TUSC3: variants seen among roughly 807,000 people sequenced by gnomAD.
TUSC3 encodes the protein dolichyl-diphosphooligosaccharide--protein glycosyltransferase subunit TUSC3.
TUSC3 carries 45 observed loss-of-function variants against 44.8 expected under a neutral mutation model. The observed-to-expected ratio is 1.00, with a 90% confidence interval of 0.79 to 1.29. The LOEUF (loss-of-function observed/expected upper bound fraction) is 1.29. Ranked by LOEUF, TUSC3 falls within the 50% of genes most tolerant of loss-of-function variation. TUSC3 has a pLI of 0.00. For synonymous variants in TUSC3, 212 were observed against 152.9 expected, an observed-to-expected ratio of 1.39 and a Z score of -2.85; for missense variants, 519 against 437.9, an observed-to-expected ratio of 1.19 and a Z score of -1.65.
In TUSC3 at chr8:15,651,702, A is replaced by C. The variant is rs150125120; in HGVS notation, c.426+888A>C. ...TGGACTTTGAGTCTTCAGAACTGTGAAAAATAAATTTCTGTTGGTTAGGTC... is the reference window on the plus strand; with the variant it reads ...TGGACTTTGAGTCTTCAGAACTGTGCAAAATAAATTTCTGTTGGTTAGGTC... On this transcript the variant is annotated intron_variant, in intron 3 of 10. Transcript: ENST00000503731. Among the ~76,000 whole-genome samples, 745 of 152,310 alleles carry C rather than the reference A, an allele frequency of 4.9e-3. 6 individuals are homozygous for C. Among genetic ancestry groups the C allele is most frequent in the African/African-American group, 0.017 (708 of 41,552 alleles).
At chr8:15,432,073 T>G (rs1442177726) in intron 1 of TUSC3, among the ~76,000 whole-genome samples, 1 of 151,870 alleles carries the variant, frequency 6.6e-6, no homozygotes, top group Admixed American at 6.6e-5. Flanking sequence ...GGCTTGTAAT[T>G]TTCTTACATT....
chr8:15,748,233 C>G (rs1001512844), intron 8 of TUSC3, 142 bp from the exon 9 acceptor site: 4 of 701,294 alleles, frequency 5.7e-6, no homozygotes, highest in Non-Finnish European at 1.0e-5. Context: ...TACCTGTATC[C>G]AAATACCTGT....
intron 2 of TUSC3, among the ~76,000 whole-genome samples, chr8:15,490,424 C>A (rs913522118): frequency 6.6e-6 from 1 of 152,150 alleles, no homozygotes; most frequent in Non-Finnish European, 1.5e-5. Context: ...CCCACCACCA[C>A]CACTACCATC....
At chr8:15,598,923 G>C (rs972681327) in intron 1 of TUSC3, among the ~76,000 whole-genome samples, 1 of 151,660 alleles carries the variant, frequency 6.6e-6, no homozygotes, top group Non-Finnish European at 1.5e-5. Flanking sequence ...GTTTTTGTGT[G>C]GACCTAAGTG....
intron 6 of TUSC3, among the ~76,000 whole-genome samples, chr8:15,698,866 G>C (rs995593143): frequency 3.6e-4 from 52 of 144,776 alleles, no homozygotes; most frequent in African/African-American, 1.2e-3. Context: ...TTTTTTTTGA[G>C]ACAGGGTCTT....
the TUSC3 span, among the ~76,000 whole-genome samples, chr8:15,824,026 T>A: frequency 0.61 from 92,121 of 151,898 alleles, 29,243 homozygotes; most frequent in Non-Finnish European, 0.73. Context: ...TCTCAAAAAA[T>A]TTTTTAAATT....
At chr8:15,667,040 T>G (rs1009064857) in intron 5 of TUSC3, among the ~76,000 whole-genome samples, 17 of 151,576 alleles carry the variant, frequency 1.1e-4, no homozygotes, top group Non-Finnish European at 2.5e-4. Context: ...TGGCTGAGTT[T>G]TTGCTTATCT....
chr8:15,572,771 A>C (rs1802926326), intron 1 of TUSC3, among the ~76,000 whole-genome samples: 1 of 152,128 alleles, frequency 6.6e-6, no homozygotes, highest in Non-Finnish European at 1.5e-5. Context: ...AGGCAATAGG[A>C]ACGTGTGAGA....
intron 6 of TUSC3, among the ~76,000 whole-genome samples, chr8:15,701,731 G>C (rs1021886720): frequency 6.6e-6 from 1 of 152,064 alleles, no homozygotes; most frequent in Non-Finnish European, 1.5e-5. Flanking sequence ...GTTTAAGGTG[G>C]GCTTTTTAAG....
intron 2 of TUSC3, among the ~76,000 whole-genome samples, chr8:15,501,089 C>T (rs1458327124): frequency 6.6e-6 from 1 of 152,166 alleles, no homozygotes; most frequent in Non-Finnish European, 1.5e-5. Context: ...ACTTAGGACA[C>T]TGTAAACATT....
At chr8:15,694,936 T>G (rs1809094756) in intron 6 of TUSC3, among the ~76,000 whole-genome samples, 1 of 152,178 alleles carries the variant, frequency 6.6e-6, no homozygotes. Context: ...GGGTGCATGC[T>G]CGTTGCCCAA....
chr8:15,812,236 T>G, the TUSC3 span, among the ~76,000 whole-genome samples: 1 of 152,176 alleles, frequency 6.6e-6, no homozygotes. Context: ...TTTCTACAGC[T>G]AGAGGATTGT....
At chr8:15,698,186 T>C (rs1362514144) in intron 6 of TUSC3, among the ~76,000 whole-genome samples, 1 of 152,190 alleles carries the variant, frequency 6.6e-6, no homozygotes, top group Non-Finnish European at 1.5e-5. Context: ...ATAATAGATG[T>C]CTAGCAAAGC....
intron 2 of TUSC3, among the ~76,000 whole-genome samples, chr8:15,515,351 T>A (rs1801202804): frequency 6.6e-6 from 1 of 152,140 alleles, no homozygotes; most frequent in Non-Finnish European, 1.5e-5. Context: ...ACTAACATGG[T>A]CCACTGAAGA....
chr8:15,491,223 G>A (rs147318359), intron 2 of TUSC3, among the ~76,000 whole-genome samples: 5 of 152,266 alleles, frequency 3.3e-5, no homozygotes, highest in East Asian at 1.9e-4. Flanking sequence ...CCTTTGTCCC[G>A]TACCTATGAG....
intron 1 of TUSC3, among the ~76,000 whole-genome samples, chr8:15,456,506 C>G (rs1027278918): frequency 7.9e-5 from 12 of 152,026 alleles, no homozygotes; most frequent in Non-Finnish European, 1.5e-5. Context: ...CGATCAGTGA[C>G]TAGGAGCTGT....
chr8:15,665,649 A>G, intron 5 of TUSC3, among the ~76,000 whole-genome samples: 1 of 151,342 alleles, frequency 6.6e-6, no homozygotes, highest in East Asian at 1.9e-4. Flanking sequence ...GAAGTAATAT[A>G]TGCAAATATA....
At chr8:15,604,716 T>G (rs1349401464) in intron 1 of TUSC3, among the ~76,000 whole-genome samples, 1 of 151,796 alleles carries the variant, frequency 6.6e-6, no homozygotes, top group Non-Finnish European at 1.5e-5. Context: ...CTTTGAACAG[T>G]CATTGATATT....
At chr8:15,492,115 A>T (rs972462652) in intron 2 of TUSC3, among the ~76,000 whole-genome samples, 2 of 152,130 alleles carry the variant, frequency 1.3e-5, no homozygotes, top group African/African-American at 4.8e-5. Flanking sequence ...TACTTACCAT[A>T]TGGCAGTCTT....
Sources: gnomAD v4.1 joint callset for allele counts (sites outside exome capture counted in the v4.1 genomes callset) on GRCh38, gnomAD v4.1.1 for gene constraint, MANE v1.5 for transcripts, NCBI Gene and HGNC (gene_info 2026-07-23, HGNC 2026-07-21) for gene names.